Variants in NECAB2 observed in about 807,000 individuals in gnomAD.
The protein encoded by NECAB2 is N-terminal EF-hand calcium binding protein 2, also known as N-terminal EF-hand calcium-binding protein 2.
Under a neutral mutation model 51.9 loss-of-function variants are expected in NECAB2, and 68 were observed. The observed-to-expected ratio is 1.31, with a 90% CI of 1.08 to 1.60. The LOEUF (loss-of-function observed/expected upper bound fraction) is 1.60, where lower values mean the gene tolerates loss of function less well. Ranked by LOEUF, NECAB2 falls within the 40% of genes most tolerant of loss-of-function variation. The pLI is 0.00. For missense variants in NECAB2, 854 were observed against 490.3 expected, an observed-to-expected ratio of 1.74 and a Z score of -7.00; for synonymous variants, 329 against 203.5, an observed-to-expected ratio of 1.62 and a Z score of -5.25.
chr16:83,990,471 T>G (rs996764304), intron 5 of NECAB2, 23 bp from the exon 6 acceptor site: 1 of 1,613,320 alleles, frequency 6.2e-7, no homozygotes, highest in Non-Finnish European at 8.5e-7. Context: ...TTCCCCTCAG[T>G]GCCTCTTCTC....
intron 9 of NECAB2, 24 bp downstream of exon 9, chr16:83,997,293 T>G: frequency 3.7e-6 from 6 of 1,613,874 alleles, no homozygotes; most frequent in Non-Finnish European, 3.4e-6. Context: ...CCACCTCTCT[T>G]CTGGGACCAC....
At chr16:83,995,857 G>T (rs1351403934) in intron 8 of NECAB2, among the ~76,000 whole-genome samples, 3 of 152,208 alleles carry the variant, frequency 2.0e-5, no homozygotes, top group Non-Finnish European at 4.4e-5. Context: ...AGCTGCGGGA[G>T]CGGCTCGGAG....
chr16:83,998,572 T>C (rs2084755528), intron 10 of NECAB2, among the ~76,000 whole-genome samples: 1 of 152,180 alleles, frequency 6.6e-6, no homozygotes, highest in South Asian at 2.1e-4. Flanking sequence ...GACTCCTTGC[T>C]GGGGTGATCA....
chr16:83,999,883 TTTTTAAAGGTTTTTTGAG>T (rs775316873), intron 10 of NECAB2, among the ~76,000 whole-genome samples: 3 of 143,528 alleles, frequency 2.1e-5, no homozygotes, highest in Non-Finnish European at 4.5e-5. Context: ...GGTTTTTTGA[TTTTTAAAGGTTTTTTGAG>T]ACCAAATCTT....
chr16:83,976,305 A>C (rs541322095), intron 2 of NECAB2, among the ~76,000 whole-genome samples: 1 of 152,336 alleles, frequency 6.6e-6, no homozygotes, highest in Non-Finnish European at 1.5e-5. Context: ...CCTGGGTTCA[A>C]GCTTCAGCTG....
chr16:83,998,874 G>T (rs189937224), intron 10 of NECAB2, among the ~76,000 whole-genome samples: 13 of 152,210 alleles, frequency 8.5e-5, no homozygotes, highest in African/African-American at 2.9e-4. Flanking sequence ...CATCCCACCA[G>T]GCTGATGTAG....
Position 84,000,799 on chromosome 16 carries a change from G to C in NECAB2, c.1038G>C (p.Lys346Asn). 6.2e-7 allele frequency: 1 copy of C among 1,613,586 alleles called. No homozygotes were observed. Among genetic ancestry groups the C allele is most frequent in the East Asian group, 2.2e-5 (1 of 44,878 alleles). ...TCTGGGAGACAGAGGAGGCGTGGAA[G>C]AGGTGAGATGCTGGGTCCCCACAGC... ...YEFWETEEAWKRHLQSPLCKA... is the reference protein window; with the variant it reads ...YEFWETEEAWNRHLQSPLCKA... Residue 346 changes from lysine (K) to asparagine (N), a missense_variant and splice_region_variant, in exon 11 of 13, where the codon AAG becomes AAC. Lys to Asn is a moderately conservative substitution (Grantham distance 94). Transcript: ENST00000305202.
chr16:83,983,737 A>G, intron 5 of NECAB2, among the ~76,000 whole-genome samples: 1 of 152,156 alleles, frequency 6.6e-6, no homozygotes, highest in East Asian at 1.9e-4. Flanking sequence ...CAAGAATTTT[A>G]TCTCTGTCTC....
intron 5 of NECAB2, among the ~76,000 whole-genome samples, chr16:83,987,849 C>CTT (rs2084575028): frequency 6.6e-6 from 1 of 152,194 alleles, no homozygotes; most frequent in Admixed American, 6.5e-5. Context: ...GTTTATGGCA[C>CTT]TTGACATAGA....
intron 6 of NECAB2, 71 bp from the exon 7 acceptor site, chr16:83,994,231 G>T (rs1375126413): frequency 7.4e-7 from 1 of 1,357,924 alleles, no homozygotes; most frequent in Non-Finnish European, 1.1e-6. Flanking sequence ...AATGCCTGTG[G>T]AAGATGCTGG....
intron 5 of NECAB2, among the ~76,000 whole-genome samples, chr16:83,985,082 G>T (rs2084535634): frequency 6.6e-6 from 1 of 152,112 alleles, no homozygotes; most frequent in South Asian, 2.1e-4. Context: ...GGAGGCCGGG[G>T]CGGGCAGATC....
At chr16:83,990,362 C>A in intron 5 of NECAB2, 132 bp from the exon 6 acceptor site, 2 of 1,160,378 alleles carry the variant, frequency 1.7e-6, no homozygotes, top group Non-Finnish European at 2.5e-6. Context: ...CCCCAGGAGG[C>A]CGTGGGGTCC....
chr16:83,997,367 T>C, intron 9 of NECAB2, 98 bp downstream of exon 9: 1 of 1,470,966 alleles, frequency 6.8e-7, no homozygotes, highest in East Asian at 2.3e-5. Flanking sequence ...CCGCTCTCCC[T>C]GCTTGGGACC....
At chr16:83,986,430 T>G (rs1348948629) in intron 5 of NECAB2, among the ~76,000 whole-genome samples, 1 of 152,124 alleles carries the variant, frequency 6.6e-6, no homozygotes, top group Non-Finnish European at 1.5e-5. Flanking sequence ...CCGAAATCAG[T>G]TGGTGAATAA....
At chr16:83,973,889 C>T (rs1484193637) in intron 2 of NECAB2, among the ~76,000 whole-genome samples, 1 of 152,014 alleles carries the variant, frequency 6.6e-6, no homozygotes, top group African/African-American at 2.4e-5. Flanking sequence ...AGTGTGTGTG[C>T]AGTTAGTGTG....
Position 83,968,840 on chromosome 16 carries a change from C to A in NECAB2, c.192C>A (p.Val64=). 5 of 1,126,988 alleles carry A rather than the reference C, an allele frequency of 4.4e-6. No individual in the cohort carries two copies. The highest frequency in any genetic ancestry group is 5.4e-6 in the Non-Finnish European group (5 of 921,384). 69.8% of individuals were successfully genotyped at this position (1,126,988 alleles called of 1,614,324 possible). A position where few individuals can be genotyped will look rare whatever the true frequency, so the allele number is the denominator to read the frequency against. The change falls in exon 1 of 13, where the codon GTC becomes GTA. Residue 64 remains valine (V), a synonymous_variant. Coordinates refer to ENST00000305202, the MANE Select transcript of NECAB2 (RefSeq NM_019065.3). ...GPASPRGGTA[V]ILDIFRRADK... ...CCTCGCCGCGCGGGGGCACCGCCGT[C>A]ATCCTGGACGTGAGTACGCGCCGGC...
chr16:83,976,028 G>A (rs1001828759), intron 2 of NECAB2, among the ~76,000 whole-genome samples: 14 of 152,148 alleles, frequency 9.2e-5, no homozygotes, highest in African/African-American at 9.7e-5. Context: ...CCTGTGTGCC[G>A]AGGGGGCACC....
At chr16:83,992,026 C>T (rs957825889) in intron 6 of NECAB2, among the ~76,000 whole-genome samples, 2 of 152,066 alleles carry the variant, frequency 1.3e-5, no homozygotes, top group African/African-American at 4.8e-5. Context: ...CATCACATGC[C>T]GTAAGTGAAG....
chr16:83,980,002 GCACC>G (rs2084464029), intron 3 of NECAB2, among the ~76,000 whole-genome samples: 1 of 152,174 alleles, frequency 6.6e-6, no homozygotes, highest in Non-Finnish European at 1.5e-5. Flanking sequence ...GAGGTTGGAG[GCACC>G]TCCTGACAGA....
Sources: allele counts gnomAD v4.1 joint callset (sites outside exome capture counted in the v4.1 genomes callset), GRCh38; gene constraint gnomAD v4.1.1; transcripts MANE v1.5; gene names NCBI Gene and HGNC (gene_info 2026-07-23, HGNC 2026-07-21).